Variants in TMEM117 observed in about 807,000 individuals in gnomAD.
The protein encoded by TMEM117 is transmembrane protein 117.
TMEM117 carries 27 observed loss-of-function variants against 52.4 expected under a neutral mutation model. That is an observed-to-expected ratio of 0.51 (90% CI 0.38 to 0.71). TMEM117 has a LOEUF of 0.71. TMEM117 is among the 30% of genes least tolerant of loss of function. The probability of loss-of-function intolerance (pLI) is 0.00; values close to 1 mark genes in which losing one functional copy is unlikely to be tolerated. For missense variants in TMEM117, 556 were observed against 630.5 expected, an observed-to-expected ratio of 0.88 and a Z score of 1.26; for synonymous variants, 215 against 206.3, an observed-to-expected ratio of 1.04 and a Z score of -0.36.
At chr12:44,129,355 A>G (rs1948377909) in intron 3 of TMEM117, among the ~76,000 whole-genome samples, 1 of 152,156 alleles carries the variant, frequency 6.6e-6, no homozygotes, top group South Asian at 2.1e-4. Flanking sequence ...GTCTTTCACA[A>G]GAAGCCTGTG....
intron 2 of TMEM117, among the ~76,000 whole-genome samples, chr12:43,924,759 CAA>C (rs1565753612): frequency 6.6e-6 from 1 of 152,048 alleles, no homozygotes; most frequent in Non-Finnish European, 1.5e-5. Flanking sequence ...TTATAGAGCA[CAA>C]AGTTATTTAT....
At chr12:43,831,375 G>A (rs143009196), upstream of TMEM117, among the ~76,000 whole-genome samples, 235 of 152,164 alleles carry the variant, frequency 1.5e-3, 1 homozygote, top group African/African-American at 4.6e-3. Flanking sequence ...ATGCCATTTA[G>A]AGAGGATAAA....
At chr12:43,967,337 T>G (rs2137679855) in intron 3 of TMEM117, among the ~76,000 whole-genome samples, 1 of 152,236 alleles carries the variant, frequency 6.6e-6, no homozygotes, top group African/African-American at 2.4e-5. Flanking sequence ...TTTCCCAGGC[T>G]GGTCTTGAAC....
chr12:43,835,480 A>ATG (rs142143920), upstream of TMEM117, among the ~76,000 whole-genome samples: 750 of 150,272 alleles, frequency 5.0e-3, 13 homozygotes, highest in African/African-American at 0.016. Context: ...ATGTGTGCAT[A>ATG]TGTGTGTGTG....
intron 5 of TMEM117, among the ~76,000 whole-genome samples, chr12:44,226,639 G>C (rs1024613036): frequency 2.0e-5 from 3 of 152,042 alleles, no homozygotes; most frequent in Non-Finnish European, 4.4e-5. Context: ...TCAAAGAGGT[G>C]ATAAGGTAAA....
rs1245091425 is a variant in TMEM117 at position 44,281,107 on chromosome 12, C to T, written c.609-18473C>T. 2.6e-5 allele frequency among the ~76,000 whole-genome samples: 4 copies of T among 152,108 alleles called. No individual in the cohort carries two copies. In the South Asian group the frequency reaches 8.3e-4, roughly 31 times the overall value. On this transcript the variant is annotated intron_variant, in intron 5 of 7. Coordinates refer to ENST00000266534, the MANE Select transcript of TMEM117 (RefSeq NM_032256.3). ...TGCTACAGTAATAAAGCATTAGATG[C>T]TTTAAAAAATCTTTCCCCTTAGAAT...
At chr12:43,909,899 A>T (rs1418139835) in intron 2 of TMEM117, among the ~76,000 whole-genome samples, 1 of 133,034 alleles carries the variant, frequency 7.5e-6, no homozygotes, top group Non-Finnish European at 1.7e-5. Flanking sequence ...ATTCACAGCC[A>T]AATTCTATCA....
At chr12:43,821,295 G>A in the TMEM117 span, among the ~76,000 whole-genome samples, 1 of 152,080 alleles carries the variant, frequency 6.6e-6, no homozygotes, top group African/African-American at 2.4e-5. Flanking sequence ...CACATGGGAT[G>A]AACCTTGGGT....
At chr12:44,277,761 C>CTTTT (rs35687259) in intron 5 of TMEM117, among the ~76,000 whole-genome samples, 68 of 95,516 alleles carry the variant, frequency 7.1e-4, no homozygotes, top group Non-Finnish European at 9.6e-4. Flanking sequence ...AAACTCTGAG[C>CTTTT]TTTTTTTTTT....
At chr12:44,210,628 C>T (rs1178985466) in intron 4 of TMEM117, among the ~76,000 whole-genome samples, 1 of 152,060 alleles carries the variant, frequency 6.6e-6, no homozygotes, top group East Asian at 1.9e-4. Context: ...GAAGGTGATA[C>T]ATGACATGAG....
intron 4 of TMEM117, among the ~76,000 whole-genome samples, chr12:44,168,232 A>G (rs1167775033): frequency 6.7e-6 from 1 of 149,780 alleles, no homozygotes; most frequent in East Asian, 1.9e-4. Context: ...CAGCCTGAGC[A>G]ACAGAGTGAG....
At chr12:44,203,095 T>TTTG (rs58933565) in intron 4 of TMEM117, among the ~76,000 whole-genome samples, 1,636 of 151,492 alleles carry the variant, frequency 0.011, 13 homozygotes, top group South Asian at 0.016. Flanking sequence ...ACACATGGCC[T>TTTG]TTGTTGTTGT....
chr12:43,949,611 A>G (rs780027859), intron 3 of TMEM117, among the ~76,000 whole-genome samples: 4 of 152,254 alleles, frequency 2.6e-5, no homozygotes, highest in Non-Finnish European at 4.4e-5. Context: ...AGAGTTTGCT[A>G]TCTGTTGGGA....
intron 5 of TMEM117, among the ~76,000 whole-genome samples, chr12:44,272,248 A>G (rs1420080451): frequency 1.3e-5 from 2 of 152,162 alleles, no homozygotes; most frequent in African/African-American, 4.8e-5. Context: ...CAAAGCCATA[A>G]TAAAAGTCTC....
At chr12:43,955,879 A>T (rs1351723332) in intron 3 of TMEM117, among the ~76,000 whole-genome samples, 5 of 152,148 alleles carry the variant, frequency 3.3e-5, no homozygotes, top group African/African-American at 1.2e-4. Flanking sequence ...TCATGCTATG[A>T]TGCCTTTAAA....
At chr12:43,820,192 G>A in the TMEM117 span, among the ~76,000 whole-genome samples, 1 of 152,038 alleles carries the variant, frequency 6.6e-6, no homozygotes, top group Non-Finnish European at 1.5e-5. Flanking sequence ...CCGCCTCTCC[G>A]GTTCAAGCGA....
intron 3 of TMEM117, among the ~76,000 whole-genome samples, chr12:43,981,151 C>G (rs1349485513): frequency 6.6e-6 from 1 of 152,084 alleles, no homozygotes; most frequent in African/African-American, 2.4e-5. Context: ...TCCCACAACC[C>G]TGACCGATCT....
At chr12:44,046,422 A>G (rs1345514346) in intron 3 of TMEM117, among the ~76,000 whole-genome samples, 1 of 152,232 alleles carries the variant, frequency 6.6e-6, no homozygotes, top group Non-Finnish European at 1.5e-5. Context: ...AAGAGCATGC[A>G]TGGAATATAG....
chr12:44,232,058 G>A (rs957192696), intron 5 of TMEM117, among the ~76,000 whole-genome samples: 3 of 151,606 alleles, frequency 2.0e-5, no homozygotes, highest in Admixed American at 6.6e-5. Flanking sequence ...CCTATATAAA[G>A]CAGTAAAAAG....
Sources: allele counts gnomAD v4.1 joint callset (sites outside exome capture counted in the v4.1 genomes callset), GRCh38; gene constraint gnomAD v4.1.1; transcripts MANE v1.5; gene names NCBI Gene and HGNC (gene_info 2026-07-23, HGNC 2026-07-21).